RBFOX1: variants seen among roughly 807,000 people sequenced by gnomAD.
RBFOX1 encodes RNA binding fox-1 homolog 1, also known as RNA binding protein fox-1 homolog 1.
RBFOX1 carries 8 observed loss-of-function variants against 57.7 expected under a neutral mutation model. The observed-to-expected ratio is 0.14, with a 90% CI of 0.08 to 0.25. The LOEUF (loss-of-function observed/expected upper bound fraction) is 0.25. Ranked by LOEUF, RBFOX1 falls within the 10% of genes least tolerant of loss-of-function variation. The probability of loss-of-function intolerance (pLI) is 1.00; values close to 1 mark genes in which losing one functional copy is unlikely to be tolerated. For synonymous variants in RBFOX1, 326 were observed against 222.4 expected, an observed-to-expected ratio of 1.47 and a Z score of -4.15; for missense variants, 611 against 548.5, an observed-to-expected ratio of 1.11 and a Z score of -1.14.
At chr16:6,931,339 C>CACACACA (rs1567942171) in intron 3 of RBFOX1, among the ~76,000 whole-genome samples, 10 of 101,294 alleles carry the variant, frequency 9.9e-5, no homozygotes, top group African/African-American at 3.9e-4. Context: ...CTATCTATCT[C>CACACACA]TACACACACA....
chr16:7,330,641 T>G (rs551029333), intron 4 of RBFOX1, among the ~76,000 whole-genome samples: 102 of 151,946 alleles, frequency 6.7e-4, no homozygotes, highest in African/African-American at 2.2e-3. Context: ...TGATTAAGAG[T>G]AAGGGGATAT....
intron 4 of RBFOX1, among the ~76,000 whole-genome samples, chr16:5,893,924 C>G (rs1192614614): frequency 6.6e-6 from 1 of 151,976 alleles, no homozygotes; most frequent in Non-Finnish European, 1.5e-5. Flanking sequence ...AAAGATCACC[C>G]ACAGCCATGT....
At chr16:6,277,452 G>A (rs1455134961) in intron 1 of RBFOX1, among the ~76,000 whole-genome samples, 1 of 55,250 alleles carries the variant, frequency 1.8e-5, no homozygotes, top group African/African-American at 8.9e-5. Flanking sequence ...ACAAGAGTCT[G>A]TCTCCCAAAA....
chr16:5,376,588 C>T (rs1567412589), intron 1 of RBFOX1, among the ~76,000 whole-genome samples: 1 of 152,046 alleles, frequency 6.6e-6, no homozygotes, highest in East Asian at 1.9e-4. Flanking sequence ...AGCAGTGTTG[C>T]CGGGAGACAT....
At chr16:6,425,380 C>T (rs1466416234) in intron 2 of RBFOX1, among the ~76,000 whole-genome samples, 2 of 152,268 alleles carry the variant, frequency 1.3e-5, no homozygotes, top group East Asian at 3.9e-4. Context: ...AACAGCCTCT[C>T]CTGAATATTC....
intron 3 of RBFOX1, among the ~76,000 whole-genome samples, chr16:6,764,197 C>A (rs1396955679): frequency 2.0e-5 from 3 of 152,166 alleles, no homozygotes; most frequent in Admixed American, 2.0e-4. Flanking sequence ...CCCACTTGAG[C>A]ATCTGAACTT....
chr16:7,456,689 A>G (rs1281437686), intron 4 of RBFOX1, among the ~76,000 whole-genome samples: 1 of 151,998 alleles, frequency 6.6e-6, no homozygotes, highest in East Asian at 1.9e-4. Context: ...TCTTCCTGGG[A>G]TGTTCACCTT....
At chr16:5,536,878 C>G (rs1046491834) in intron 2 of RBFOX1, among the ~76,000 whole-genome samples, 3 of 152,198 alleles carry the variant, frequency 2.0e-5, no homozygotes, top group Non-Finnish European at 4.4e-5. Flanking sequence ...AAGGTTTATT[C>G]TAGCTTCCAT....
At chr16:5,889,346 TTG>T (rs2057987031) in intron 4 of RBFOX1, among the ~76,000 whole-genome samples, 2 of 152,164 alleles carry the variant, frequency 1.3e-5, no homozygotes, top group African/African-American at 2.4e-5. Context: ...CTTGTGTTAG[TTG>T]GCTGAGGATA....
intron 3 of RBFOX1, among the ~76,000 whole-genome samples, chr16:6,813,609 G>A: frequency 6.6e-6 from 1 of 152,122 alleles, no homozygotes; most frequent in East Asian, 1.9e-4. Context: ...TCCACAGGTG[G>A]CTCAAAATCA....
chr16:6,220,770 G>A (rs2097368044), intron 1 of RBFOX1, among the ~76,000 whole-genome samples: 1 of 151,314 alleles, frequency 6.6e-6, no homozygotes, highest in South Asian at 2.1e-4. Context: ...ATTCATCACA[G>A]TACAATCAGC....
rs1366077589 is a variant in RBFOX1, at chr16:6,450,788, TAC to T, written c.-64+133733_-64+133734del. Among the ~76,000 whole-genome samples the T allele has an allele frequency of 1.5e-3, 74 of 47,952 alleles. 1 individual carries two copies. The highest frequency in any genetic ancestry group is 5.2e-3 in the South Asian group (9 of 1,734). 31.5% of individuals were successfully genotyped at this position (47,952 alleles called of 152,430 possible). Reference sequence around the variant, plus strand: ...ATGTGTATATATATATATATATATATACATATATATATGTATATATATATATA... The same window carrying T: ...ATGTGTATATATATATATATATATATATATATATATGTATATATATATATA... On this transcript the variant is annotated intron_variant, in intron 2 of 15. Coordinates refer to ENST00000550418, the MANE Select transcript of RBFOX1 (RefSeq NM_018723.4).
At chr16:5,552,015 G>A (rs2045485099) in intron 2 of RBFOX1, among the ~76,000 whole-genome samples, 1 of 152,160 alleles carries the variant, frequency 6.6e-6, no homozygotes, top group Admixed American at 6.5e-5. Flanking sequence ...AGCTGTGGAT[G>A]AGTCATTCAA....
intron 4 of RBFOX1, among the ~76,000 whole-genome samples, chr16:5,914,454 A>G (rs2058666190): frequency 6.6e-6 from 1 of 152,074 alleles, no homozygotes; most frequent in South Asian, 2.1e-4. Flanking sequence ...TCATTCATGT[A>G]ACCTTTGGCA....
intron 3 of RBFOX1, among the ~76,000 whole-genome samples, chr16:6,981,879 C>T (rs1354736298): frequency 6.6e-6 from 1 of 152,184 alleles, no homozygotes; most frequent in Non-Finnish European, 1.5e-5. Flanking sequence ...TAAGTTGATT[C>T]CACATCTTGG....
intron 4 of RBFOX1, among the ~76,000 whole-genome samples, chr16:7,488,461 A>G (rs1282066182): frequency 6.6e-6 from 1 of 152,044 alleles, no homozygotes; most frequent in African/African-American, 2.4e-5. Context: ...CTATCATTCT[A>G]TCACTCTGTA....
intron 3 of RBFOX1, among the ~76,000 whole-genome samples, chr16:6,914,658 G>C (rs1279235358): frequency 6.6e-6 from 1 of 152,116 alleles, no homozygotes; most frequent in Non-Finnish European, 1.5e-5. Flanking sequence ...AGGATTGCTT[G>C]AGGCCACGAG....
intron 5 of RBFOX1, among the ~76,000 whole-genome samples, chr16:7,557,948 A>G (rs2089212937): frequency 6.6e-6 from 1 of 152,180 alleles, no homozygotes; most frequent in African/African-American, 2.4e-5. Context: ...CAGTATTTCC[A>G]CCATCCAGAT....
At chr16:5,687,131 T>C (rs572463727) in intron 3 of RBFOX1, among the ~76,000 whole-genome samples, 2 of 152,332 alleles carry the variant, frequency 1.3e-5, no homozygotes, top group South Asian at 4.1e-4. Context: ...GTCTACTCTT[T>C]TATAGCAATG....
Sources: allele counts gnomAD v4.1 joint callset (sites outside exome capture counted in the v4.1 genomes callset), GRCh38; gene constraint gnomAD v4.1.1; transcripts MANE v1.5; gene names NCBI Gene and HGNC (gene_info 2026-07-23, HGNC 2026-07-21).